The following HYCC2 variants were observed in gnomAD, a reference collection of about 807,000 sequenced individuals.
The protein encoded by HYCC2 is hyccin PI4KA lipid kinase complex subunit 2, also known as hyccin 2.
chr2:201,022,964 G>A, the HYCC2 span: 1 of 1,391,118 alleles, frequency 7.2e-7, no homozygotes, highest in South Asian at 1.2e-5. Flanking sequence ...AAACAAAAGT[G>A]AACATTTGAG....
At chr2:201,030,581 C>A in the HYCC2 span, among the ~76,000 whole-genome samples, 1 of 145,636 alleles carries the variant, frequency 6.9e-6, no homozygotes. Flanking sequence ...CTATCTCATT[C>A]CTTTTTTTTT....
the HYCC2 span, among the ~76,000 whole-genome samples, chr2:201,038,252 G>T: frequency 6.6e-6 from 1 of 152,170 alleles, no homozygotes; most frequent in Non-Finnish European, 1.5e-5. Context: ...AACAGGTACT[G>T]GAGAGGATGT....
chr2:201,038,645 A>C, the HYCC2 span, among the ~76,000 whole-genome samples: 1 of 152,312 alleles, frequency 6.6e-6, no homozygotes, highest in African/African-American at 2.4e-5. Context: ...TCGCAAGGAC[A>C]AAAAACCAAA....
At chr2:201,051,587 T>TA in the HYCC2 span, among the ~76,000 whole-genome samples, 2 of 152,038 alleles carry the variant, frequency 1.3e-5, no homozygotes, top group African/African-American at 4.8e-5. Flanking sequence ...ACAACAGCAT[T>TA]AAAAAATAAG....
chr2:201,054,559 C>A, the HYCC2 span, among the ~76,000 whole-genome samples: 5 of 152,128 alleles, frequency 3.3e-5, no homozygotes, highest in Non-Finnish European at 7.4e-5. Context: ...CTCCAAGGAA[C>A]CCCTTTTAGT....
At chr2:201,062,466 G>A in the HYCC2 span, among the ~76,000 whole-genome samples, 1 of 152,112 alleles carries the variant, frequency 6.6e-6, no homozygotes, top group Non-Finnish European at 1.5e-5. Context: ...GGCTAACATG[G>A]TGAAACCCCG....
chr2:201,043,451 AAAG>A, the HYCC2 span, among the ~76,000 whole-genome samples: 1 of 149,618 alleles, frequency 6.7e-6, no homozygotes, highest in Admixed American at 6.6e-5. Flanking sequence ...AAAAAAAAAG[AAAG>A]AAAAATAGAA....
chr2:201,042,598 G>A, the HYCC2 span, among the ~76,000 whole-genome samples: 603 of 150,514 alleles, frequency 4.0e-3, 8 homozygotes, highest in African/African-American at 0.014. Context: ...GAGCCCATCC[G>A]CCCAGCAGCC....
the HYCC2 span, among the ~76,000 whole-genome samples, chr2:201,050,944 C>G: frequency 6.6e-6 from 1 of 151,924 alleles, no homozygotes; most frequent in African/African-American, 2.4e-5. Flanking sequence ...TCAAAACAAA[C>G]AAACAAACAA....
the HYCC2 span, among the ~76,000 whole-genome samples, chr2:201,031,158 T>C: frequency 2.6e-5 from 4 of 152,208 alleles, no homozygotes; most frequent in African/African-American, 9.6e-5. Context: ...AAGAAGCATA[T>C]GGCTGTTACA....
the HYCC2 span, among the ~76,000 whole-genome samples, chr2:201,051,005 G>A: frequency 6.6e-6 from 1 of 152,002 alleles, no homozygotes; most frequent in Non-Finnish European, 1.5e-5. Flanking sequence ...TACAAGGAAG[G>A]AAAATCACAC....
the HYCC2 span, among the ~76,000 whole-genome samples, chr2:201,008,044 A>C: frequency 4.6e-5 from 7 of 152,100 alleles, no homozygotes; most frequent in Non-Finnish European, 5.9e-5. Flanking sequence ...CCTGTAATAA[A>C]CCATAACTGT....
the HYCC2 span, among the ~76,000 whole-genome samples, chr2:201,065,396 T>C: frequency 6.6e-6 from 1 of 152,246 alleles, no homozygotes; most frequent in Admixed American, 6.5e-5. Context: ...AAAGATGCTA[T>C]GAGAATTCAC....
chr2:201,052,465 G>T, the HYCC2 span, among the ~76,000 whole-genome samples: 1 of 151,860 alleles, frequency 6.6e-6, no homozygotes, highest in East Asian at 1.9e-4. Context: ...AAAATTAGCC[G>T]GGCATGGTGG....
chr2:201,011,093 C>A, the HYCC2 span, among the ~76,000 whole-genome samples: 2 of 151,898 alleles, frequency 1.3e-5, no homozygotes, highest in Non-Finnish European at 2.9e-5. Flanking sequence ...TGCAGTGAGC[C>A]AAGATCGCAC....
chr2:201,007,341 A>G, the HYCC2 span, among the ~76,000 whole-genome samples: 136 of 152,340 alleles, frequency 8.9e-4, no homozygotes, highest in African/African-American at 3.2e-3. Context: ...GAACACTTAC[A>G]TTAGCCCTAC....
the HYCC2 span, chr2:200,974,344 C>T: frequency 1.2e-4 from 18 of 151,908 alleles, no homozygotes; most frequent in African/African-American, 4.3e-4. Context: ...AAAAATCCTT[C>T]AGAAATTATA....
the HYCC2 span, among the ~76,000 whole-genome samples, chr2:201,027,103 T>C: frequency 6.6e-6 from 1 of 152,016 alleles, no homozygotes; most frequent in East Asian, 1.9e-4. Context: ...AAGAATCAAA[T>C]AGATGCAATA....
chr2:200,981,406 C>T, the HYCC2 span: 7 of 1,614,014 alleles, frequency 4.3e-6, no homozygotes, highest in East Asian at 2.2e-5. This position sits in a 1 kb window ranked among gnomAD's most constrained non-coding sequence, Gnocchi z 4.5. Context: ...AGTTGAGTAT[C>T]GATTAGCATT....
Sources: allele counts gnomAD v4.1 joint callset (sites outside exome capture counted in the v4.1 genomes callset), GRCh38; gene constraint gnomAD v4.1.1; non-coding constraint Gnocchi (gnomAD v3.1); transcripts MANE v1.5; gene names NCBI Gene and HGNC (gene_info 2026-07-23, HGNC 2026-07-21).